Variants in KIF15 observed in about 807,000 individuals in gnomAD.
KIF15 encodes the protein kinesin family member 15.
KIF15 carries 140 observed loss-of-function variants against 190.6 expected under a neutral mutation model. That is an observed-to-expected ratio of 0.73 (90% CI 0.64 to 0.84). The LOEUF (loss-of-function observed/expected upper bound fraction) is 0.84, where lower values mean the gene tolerates loss of function less well. Ranked by LOEUF, KIF15 falls within the 40% of genes least tolerant of loss-of-function variation. The probability of loss-of-function intolerance (pLI) is 0.00; values close to 1 mark genes in which losing one functional copy is unlikely to be tolerated. For missense variants in KIF15, 1,372 were observed against 1,584.4 expected, an observed-to-expected ratio of 0.87 and a Z score of 2.28; for synonymous variants, 528 against 551.3, an observed-to-expected ratio of 0.96 and a Z score of 0.59.
intron 17 of KIF15, 76 bp from the exon 18 acceptor site, chr3:44,812,106 T>A: frequency 1.8e-6 from 2 of 1,101,916 alleles, no homozygotes; most frequent in Non-Finnish European, 2.7e-6. Context: ...GTTGTCTCTT[T>A]AATGCAGACG....
chr3:44,859,343 G>T (rs982395616), intron 6 of KIF15, among the ~76,000 whole-genome samples: 4 of 152,190 alleles, frequency 2.6e-5, no homozygotes, highest in Admixed American at 2.6e-4. Flanking sequence ...AGGTCCTGTT[G>T]TGGGTTTTGA....
chr3:44,840,101 A>G (rs906858849), intron 27 of KIF15, among the ~76,000 whole-genome samples: 1 of 152,192 alleles, frequency 6.6e-6, no homozygotes, highest in African/African-American at 2.4e-5. Context: ...AGGAACTTCC[A>G]TACTATTTTT....
At chr3:44,820,854 T>C (rs922705262) in intron 20 of KIF15, among the ~76,000 whole-genome samples, 1 of 152,196 alleles carries the variant, frequency 6.6e-6, no homozygotes, top group Non-Finnish European at 1.5e-5. Flanking sequence ...CCGTTCTCAA[T>C]GAGCTGCCGG....
intron 7 of KIF15, among the ~76,000 whole-genome samples, chr3:44,792,482 G>GA (rs1319277511): frequency 1.3e-5 from 2 of 150,808 alleles, no homozygotes; most frequent in South Asian, 2.1e-4. Flanking sequence ...TTAAAAAAAA[G>GA]AAAAAAGATA....
At chr3:44,804,641 T>C (rs139359463) in intron 14 of KIF15, among the ~76,000 whole-genome samples, 167 of 152,342 alleles carry the variant, frequency 1.1e-3, no homozygotes, top group African/African-American at 4.0e-3. Flanking sequence ...TAAACATGAC[T>C]TCTAATCCCC....
chr3:44,806,003 A>T lies in KIF15; in HGVS notation c.1971+17A>T, dbSNP rs1461251183. On this transcript the variant is annotated intron_variant, in intron 16 of 34. Coordinates refer to ENST00000326047, the MANE Select transcript of KIF15 (RefSeq NM_020242.3). The stretch of plus-strand genomic sequence containing the variant: ...ACACTTAAGGTAGGTCATCTGAACA[A>T]TACCTCCACCTTAAATCAGTGCAAT... 8 of 1,610,896 alleles carry T rather than the reference A, an allele frequency of 5.0e-6. No homozygotes were observed. The highest frequency in any genetic ancestry group is 3.4e-5 in the Admixed American group (2 of 59,328).
chr3:44,770,454 G>A (rs532372054), intron 1 of KIF15, among the ~76,000 whole-genome samples: 1 of 152,276 alleles, frequency 6.6e-6, no homozygotes, highest in Admixed American at 6.5e-5. Context: ...GGTCCCAAGA[G>A]CATAGGGTTC....
intron 4 of KIF15, among the ~76,000 whole-genome samples, chr3:44,780,089 T>TAA (rs1458643585): frequency 1.0e-4 from 9 of 88,162 alleles, no homozygotes; most frequent in Non-Finnish European, 1.2e-4. Flanking sequence ...TTTTTTTTTT[T>TAA]AAAAGAGATG....
chr3:44,797,491 C>G lies in KIF15; in HGVS notation c.850-60C>G, dbSNP rs1168982686. ...TTCCTCTGCTAGATATATTTTCATT[C>G]AAAATACCAAAGAGTAACCAACGTA... On this transcript the variant is annotated intron_variant, in intron 8 of 34. Transcript: ENST00000326047. 1.9e-6 allele frequency: 3 copies of G among 1,559,500 alleles called. No individual in the cohort carries two copies. In the African/African-American group the frequency reaches 4.1e-5, roughly 21 times the overall value.
chr3:44,773,764 G>A (rs1320251551), intron 1 of KIF15, among the ~76,000 whole-genome samples: 1 of 152,122 alleles, frequency 6.6e-6, no homozygotes, highest in Non-Finnish European at 1.5e-5. Flanking sequence ...GTTCTTATAT[G>A]GGCCACCAAA....
intron 20 of KIF15, among the ~76,000 whole-genome samples, chr3:44,824,423 T>C (rs74377553): frequency 0.019 from 2,830 of 152,212 alleles, 74 homozygotes; most frequent in African/African-American, 0.063. Context: ...ACTTATCTAG[T>C]TGTCTGATTG....
chr3:44,764,929 A>C (rs1024093098), intron 1 of KIF15, among the ~76,000 whole-genome samples: 11 of 152,184 alleles, frequency 7.2e-5, no homozygotes, highest in Admixed American at 2.0e-4. Context: ...GAGCCACTGC[A>C]CCCAGCCTAG....
intron 24 of KIF15, among the ~76,000 whole-genome samples, chr3:44,829,518 T>TGTATATAATATGTATATATTA (rs1697881674): frequency 3.5e-5 from 3 of 86,626 alleles, no homozygotes; most frequent in Non-Finnish European, 6.7e-5. Flanking sequence ...CGCATATATA[T>TGTATATAATATGTATATATTA]TATATGTATA....
intron 22 of KIF15, 126 bp from the exon 23 acceptor site, chr3:44,827,333 G>T (rs376228114): frequency 3.1e-6 from 2 of 653,508 alleles, no homozygotes; most frequent in Middle Eastern, 2.7e-4. Flanking sequence ...CCCCCGGAAG[G>T]TAATGCCTGA....
rs34126205 is a variant in KIF15, at chr3:44,826,106, A to G, written c.2617A>G (p.Ile873Val). 7.0e-5 allele frequency: 112 copies of G among 1,589,338 alleles called. No individual in the cohort carries two copies. The African/African-American group carries it at 1.3e-3, about 18-fold the overall frequency. Residue 873 changes from isoleucine (I) to valine (V), a missense_variant, in exon 21 of 35, where the codon ATA becomes GTA. Coordinates refer to ENST00000326047, the MANE Select transcript of KIF15 (RefSeq NM_020242.3). The part of the protein sequence containing the change: ...LQDSYDNLQE[I>V]MKFEIDQLSR... ...GGATTCCTATGACAACTTACAAGAA[A>G]TAATGAAATTTGAGATTGACCAACT... is the stretch of plus-strand genomic sequence containing the variant.
At chr3:44,808,983 C>T (rs1266366240) in intron 16 of KIF15, among the ~76,000 whole-genome samples, 2 of 152,172 alleles carry the variant, frequency 1.3e-5, no homozygotes, top group African/African-American at 4.8e-5. Flanking sequence ...CGTGCATTCT[C>T]TGGGGGTGGA....
rs770583333 is a variant in KIF15 at position 44,831,015 on chromosome 3, A to G, written c.3168A>G (p.Ile1056Met). The change falls in exon 26 of 35, where the codon ATA becomes ATG. Residue 1056 changes from isoleucine (I) to methionine (M), a missense_variant. By Grantham distance (10) the Ile-to-Met change is conservative. Transcript: ENST00000326047. ...TLRLRILSED[I>M]ERDMLCEDLA... The stretch of plus-strand genomic sequence containing the variant: ...GGCTGAGAATACTTTCTGAGGACAT[A>G]GAGGTAGGTATTAACGCATCACAGC... 1.3e-5 allele frequency: 21 copies of G among 1,613,836 alleles called. No individual in the cohort carries two copies. In the South Asian group the frequency reaches 2.2e-4, roughly 17 times the overall value.
At chr3:44,808,342 A>C (rs1575621231) in intron 16 of KIF15, among the ~76,000 whole-genome samples, 7 of 152,314 alleles carry the variant, frequency 4.6e-5, no homozygotes, top group Admixed American at 6.5e-5. Context: ...ATAGCAATTC[A>C]GAGTCTTTGT....
intron 24 of KIF15, among the ~76,000 whole-genome samples, chr3:44,829,452 C>T (rs1172828753): frequency 1.6e-5 from 2 of 128,004 alleles, no homozygotes; most frequent in Non-Finnish European, 1.6e-5. Context: ...ATTATATACG[C>T]ATATATAATA....
Sources: allele counts gnomAD v4.1 joint callset (sites outside exome capture counted in the v4.1 genomes callset), GRCh38; gene constraint gnomAD v4.1.1; transcripts MANE v1.5; gene names NCBI Gene and HGNC (gene_info 2026-07-23, HGNC 2026-07-21).